The following ELFN1 variants were observed in gnomAD, a reference collection of about 807,000 sequenced individuals.
ELFN1 encodes extracellular leucine rich repeat and fibronectin type III domain containing 1, also known as protein ELFN1.
ELFN1 carries 6 observed loss-of-function variants against 7.6 expected under a neutral mutation model. The observed-to-expected ratio is 0.79, with a 90% CI of 0.43 to 1.56. The LOEUF is 1.56. ELFN1 is among the 40% of genes most tolerant of loss of function. The probability of loss-of-function intolerance (pLI) is 0.01; values close to 1 mark genes in which losing one functional copy is unlikely to be tolerated. For synonymous variants in ELFN1, 657 were observed against 588.1 expected, an observed-to-expected ratio of 1.12 and a Z score of -1.70; for missense variants, 1,169 against 1,232.2, an observed-to-expected ratio of 0.95 and a Z score of 0.77.
intron 1 of ELFN1, among the ~76,000 whole-genome samples, chr7:1,681,030 C>T (rs1778966615): frequency 6.6e-6 from 1 of 152,238 alleles, no homozygotes. Context: ...GCGTGAGCCA[C>T]TGCGCCCAGC....
In ELFN1 at chr7:1,695,604, G is replaced by A. The variant is rs1414767261; in HGVS notation, c.-456+7454G>A. On this transcript the variant is annotated intron_variant, in intron 2 of 3. Coordinates refer to ENST00000424383, the MANE Select transcript of ELFN1 (RefSeq NM_001128636.4). This position sits in a 1 kb window ranked among gnomAD's most constrained non-coding sequence, Gnocchi z 5.1. ...CTACTAAAAAATACAAAAATTAGCC[G>A]GGCGTTGTGGTGGACACCTGTAATC... Among the ~76,000 whole-genome samples the A allele has an allele frequency of 1.3e-5, 2 of 151,936 alleles. No individual in the cohort carries two copies. The highest frequency in any genetic ancestry group is 1.9e-4 in the East Asian group (1 of 5,174).
chr7:1,703,113 A>G (rs994397992), intron 2 of ELFN1, among the ~76,000 whole-genome samples: 1 of 151,938 alleles, frequency 6.6e-6, no homozygotes, highest in African/African-American at 2.4e-5. Context: ...GTCTCACTGT[A>G]TTTTCTAAAA....
chr7:1,679,782 C>T (rs1207567513), intron 1 of ELFN1, among the ~76,000 whole-genome samples: 1 of 152,236 alleles, frequency 6.6e-6, no homozygotes, highest in Non-Finnish European at 1.5e-5. Context: ...CCAACAGTGG[C>T]TCCCTCCTGT....
intron 3 of ELFN1, among the ~76,000 whole-genome samples, chr7:1,742,650 C>G (rs1010803136): frequency 6.6e-6 from 1 of 152,228 alleles, no homozygotes; most frequent in Non-Finnish European, 1.5e-5. Context: ...CTAGCCAGGT[C>G]CTGCCCGGCT....
rs118011542 is a variant in ELFN1, at chr7:1,701,178, A to G, written c.-455-7913A>G. On this transcript the variant is annotated intron_variant, in intron 2 of 3. Coordinates refer to ENST00000424383, the MANE Select transcript of ELFN1 (RefSeq NM_001128636.4). Reference sequence around the variant, plus strand: ...CGCATGTGTGTGTATGCATGTGTGTATGTGTGCGTGTGTGTGCATATTTTA... The same window carrying G: ...CGCATGTGTGTGTATGCATGTGTGTGTGTGTGCGTGTGTGTGCATATTTTA... 4.5e-3 allele frequency among the ~76,000 whole-genome samples: 684 copies of G among 151,624 alleles called. 5 individuals are homozygous for G. Among genetic ancestry groups the G allele is most frequent in the Middle Eastern group, 0.014 (4 of 294 alleles).
At chr7:1,709,893 A>G (rs1176665581) in intron 3 of ELFN1, among the ~76,000 whole-genome samples, 2 of 152,172 alleles carry the variant, frequency 1.3e-5, no homozygotes, top group African/African-American at 2.4e-5. Flanking sequence ...TTTCTGCAGC[A>G]TTTTTCAGAA....
chr7:1,697,926 A>C (rs2128583100), intron 2 of ELFN1, among the ~76,000 whole-genome samples: 2 of 152,294 alleles, frequency 1.3e-5, no homozygotes, highest in Middle Eastern at 6.8e-3. Flanking sequence ...GGAAGAAAGG[A>C]GAGACAGACA....
intron 3 of ELFN1, among the ~76,000 whole-genome samples, chr7:1,726,160 G>C (rs994181084): frequency 1.3e-5 from 2 of 152,114 alleles, no homozygotes; most frequent in African/African-American, 4.8e-5. Flanking sequence ...GGGCTCCAAG[G>C]TCCGCACCCG....
At chr7:1,727,760 C>T (rs1780235845) in intron 3 of ELFN1, among the ~76,000 whole-genome samples, 1 of 152,176 alleles carries the variant, frequency 6.6e-6, no homozygotes, top group Admixed American at 6.5e-5. Flanking sequence ...AGGCATGTAT[C>T]ACCATGCCCA....
chr7:1,712,651 C>CA (rs199606931), intron 3 of ELFN1, among the ~76,000 whole-genome samples: 4,080 of 152,096 alleles, frequency 0.027, 176 homozygotes, highest in African/African-American at 0.092. Flanking sequence ...AGGCTGGTCT[C>CA]AAACTCCTGA....
In ELFN1 at chr7:1,744,788, C is replaced by T; in HGVS notation, c.192C>T (p.Asp64=). The change falls in exon 4 of 4, where the codon GAC becomes GAT. Residue 64 remains aspartate, a synonymous_variant. Coordinates refer to ENST00000424383, the MANE Select transcript of ELFN1 (RefSeq NM_001128636.4). ...IPQQINSTIV[D]LRLNENRIRS... ...AGCAGATCAACAGCACCATCGTGGA[C>T]CTGCGGCTCAACGAGAACCGTATCC... 6.4e-7 allele frequency: 1 copy of T among 1,556,558 alleles called. No homozygotes were observed. Among genetic ancestry groups the T allele is most frequent in the Non-Finnish European group, 8.7e-7 (1 of 1,149,524 alleles).
chr7:1,710,331 A>G (rs1469127936), intron 3 of ELFN1, among the ~76,000 whole-genome samples: 1 of 152,200 alleles, frequency 6.6e-6, no homozygotes, highest in Non-Finnish European at 1.5e-5. Context: ...TCGTGGTCAG[A>G]TGGTTCCCCA....
Position 1,716,432 on chromosome 7 carries a change from C to T in ELFN1, c.-294+7180C>T, listed in dbSNP as rs559610886. On this transcript the variant is annotated intron_variant, in intron 3 of 3. Transcript: ENST00000424383. The stretch of plus-strand genomic sequence containing the variant: ...GGGCAGGTGCCACTGAGTCTTTCTC[C>T]CCCATCCTCCCTCCAGAGCCTTAGC... Among the ~76,000 whole-genome samples the T allele has an allele frequency of 1.6e-3, 241 of 152,328 alleles. 1 individual carries two copies. The highest frequency in any genetic ancestry group is 5.6e-3 in the African/African-American group (231 of 41,570).
Position 1,735,725 on chromosome 7 carries a change from G to A in ELFN1, c.-293-8579G>A, listed in dbSNP as rs1042401744. On this transcript the variant is annotated intron_variant, in intron 3 of 3. Transcript: ENST00000424383. This position sits in a 1 kb window ranked among gnomAD's most constrained non-coding sequence, Gnocchi z 5.9. The stretch of plus-strand genomic sequence containing the variant: ...GAAGGAAAACCCACATATGTCCAGC[G>A]TGCGGCTCCATCTCCCATACTGCCT... 2.0e-5 allele frequency among the ~76,000 whole-genome samples: 3 copies of A among 152,158 alleles called. No individual in the cohort carries two copies. Among genetic ancestry groups the A allele is most frequent in the South Asian group, 2.1e-4 (1 of 4,824 alleles).
intron 2 of ELFN1, among the ~76,000 whole-genome samples, chr7:1,694,477 G>T (rs1779256031): frequency 6.6e-6 from 1 of 152,208 alleles, no homozygotes; most frequent in Non-Finnish European, 1.5e-5. Context: ...GTGGGGTGAG[G>T]CTCCGGGAGG....
intron 1 of ELFN1, among the ~76,000 whole-genome samples, chr7:1,682,188 C>A (rs970131249): frequency 6.6e-5 from 10 of 152,098 alleles, no homozygotes; most frequent in African/African-American, 2.4e-4. Flanking sequence ...GTTTGCCTAA[C>A]CCAAGGTCAC....
chr7:1,725,465 G>A (rs1780164245), intron 3 of ELFN1, among the ~76,000 whole-genome samples: 1 of 142,418 alleles, frequency 7.0e-6, no homozygotes, highest in Non-Finnish European at 1.5e-5. Context: ...GGGAGGGAGG[G>A]CAGCAGGTGT....
At position 1,688,836 on chromosome 7, in the gene ELFN1, T is replaced by C. The variant is rs1195240200; in HGVS notation, c.-456+686T>C. Among the ~76,000 whole-genome samples the C allele has an allele frequency of 2.1e-4, 32 of 152,186 alleles. 2 individuals are homozygous for C. Among genetic ancestry groups the C allele is most frequent in the Admixed American group, 2.0e-3 (31 of 15,272 alleles). Reference sequence around the variant, plus strand: ...TTCTCTTGTTACCCTTTTATAGCCATGCCCCCTTCCCTCACCCCATCCCAT... The same window carrying C: ...TTCTCTTGTTACCCTTTTATAGCCACGCCCCCTTCCCTCACCCCATCCCAT... On this transcript the variant is annotated intron_variant, in intron 2 of 3. Transcript: ENST00000424383.
At chr7:1,685,077 G>A (rs1289548391) in intron 1 of ELFN1, among the ~76,000 whole-genome samples, 1 of 152,088 alleles carries the variant, frequency 6.6e-6, no homozygotes. Context: ...GATCTGTAAT[G>A]TTTTTAGTTT....
Sources: gnomAD v4.1 joint callset for allele counts (sites outside exome capture counted in the v4.1 genomes callset) on GRCh38, gnomAD v4.1.1 for gene constraint, Gnocchi (gnomAD v3.1) non-coding constraint, MANE v1.5 for transcripts, NCBI Gene and HGNC (gene_info 2026-07-23, HGNC 2026-07-21) for gene names.